Variants in NPHP4 observed in about 807,000 individuals in gnomAD.
NPHP4 encodes the protein nephrocystin 4, also known as nephrocystin-4.
In NPHP4, 151 loss-of-function variants were observed where a neutral mutation model predicts 155.8. The ratio of observed to expected loss-of-function variants is 0.97; its 90% CI spans 0.85 to 1.11. The LOEUF is 1.11. Among genes scored for constraint, NPHP4 ranks in the 50% least tolerant of loss-of-function variants. NPHP4 has a pLI of 0.00. For missense variants in NPHP4, 1,956 were observed against 1,925.7 expected, an observed-to-expected ratio of 1.02 and a Z score of -0.29; for synonymous variants, 845 against 816.8, an observed-to-expected ratio of 1.03 and a Z score of -0.59.
chr1:5,900,186 G>A (rs1013653853), intron 16 of NPHP4, among the ~76,000 whole-genome samples: 3 of 152,178 alleles, frequency 2.0e-5, no homozygotes, highest in Non-Finnish European at 2.9e-5. Flanking sequence ...CTCTTACCAC[G>A]TGATCCAGCA....
intron 17 of NPHP4, chr1:5,888,507 T>C (rs959075175): frequency 7.7e-7 from 1 of 1,303,466 alleles, no homozygotes; most frequent in East Asian, 5.1e-5. Flanking sequence ...CCGCAGACCC[T>C]GGTCGCTTTG....
intron 27 of NPHP4, 151 bp from the exon 28 acceptor site, chr1:5,864,668 A>G (rs1378177756): frequency 3.1e-6 from 2 of 646,466 alleles, no homozygotes; most frequent in East Asian, 5.6e-5. Context: ...CAACCCTGAC[A>G]TGACTGTGGC....
In NPHP4 at chr1:5,874,643, C is replaced by A. The variant is rs754216736; in HGVS notation, c.3059G>T (p.Ser1020Ile). The A allele has an allele frequency of 6.2e-7, 1 of 1,611,804 alleles. No individual in the cohort carries two copies. The highest frequency in any genetic ancestry group is 1.3e-5 in the African/African-American group (1 of 74,868). The change falls in exon 22 of 30, where the codon AGT becomes ATT. Residue 1020 changes from serine (S) to isoleucine (I), a missense_variant. By Grantham distance (142) the Ser-to-Ile change is moderately radical (BLOSUM62 -2). Coordinates refer to ENST00000378156, the MANE Select transcript of NPHP4 (RefSeq NM_015102.5). The part of the protein sequence containing the change: ...DNPELSVIVD[S>I]QEWRDFKGAA... The stretch of plus-strand genomic sequence containing the variant: ...ACCCTTGAAGTCCCTCCACTCCTGA[C>A]TGTCCACGATGACGCTGGGGGAGGC...
chr1:5,898,116 G>C (rs1199354537), intron 16 of NPHP4, among the ~76,000 whole-genome samples: 2 of 152,220 alleles, frequency 1.3e-5, no homozygotes, highest in Non-Finnish European at 2.9e-5. Context: ...GAAATGGACC[G>C]CGTTCTTTGG....
intron 23 of NPHP4, chr1:5,868,146 A>T: frequency 1.6e-6 from 1 of 625,638 alleles, no homozygotes; most frequent in Non-Finnish European, 3.0e-6. Flanking sequence ...CCACACTGCC[A>T]TTATTCCTCG....
intron 23 of NPHP4, among the ~76,000 whole-genome samples, chr1:5,872,058 T>C (rs1033524411): frequency 2.0e-5 from 3 of 152,238 alleles, no homozygotes; most frequent in South Asian, 2.1e-4. Context: ...ATCTGACTAG[T>C]GCACAGCCAC....
intron 4 of NPHP4, among the ~76,000 whole-genome samples, chr1:5,968,333 G>C (rs937189408): frequency 1.6e-4 from 25 of 152,110 alleles, no homozygotes; most frequent in African/African-American, 6.0e-4. Context: ...CGGACACAGC[G>C]GCTCACGTCT....
chr1:5,898,738 G>A (rs750804091), intron 16 of NPHP4, among the ~76,000 whole-genome samples: 10 of 152,214 alleles, frequency 6.6e-5, no homozygotes, highest in Non-Finnish European at 8.8e-5. Flanking sequence ...GAATTGGCTT[G>A]TCTAAATTTG....
intron 2 of NPHP4, among the ~76,000 whole-genome samples, chr1:5,982,641 C>A (rs529856123): frequency 5.9e-5 from 9 of 152,192 alleles, no homozygotes; most frequent in Non-Finnish European, 8.8e-5. Context: ...AGGAAACAGA[C>A]GTCACTGATT....
intron 3 of NPHP4, among the ~76,000 whole-genome samples, chr1:5,969,461 G>A (rs918548745): frequency 6.6e-6 from 1 of 152,164 alleles, no homozygotes; most frequent in African/African-American, 2.4e-5. Context: ...AGACTGAAAT[G>A]TTGGTGTCGG....
intron 18 of NPHP4, among the ~76,000 whole-genome samples, chr1:5,883,108 G>A (rs1239218071): frequency 2.0e-5 from 3 of 152,142 alleles, no homozygotes; most frequent in South Asian, 2.1e-4. Flanking sequence ...CCACTACAAA[G>A]AAGCCACGAT....
Position 5,864,338 on chromosome 1 carries a change from C to T in NPHP4, c.3996G>A (p.Lys1332=), listed in dbSNP as rs1337905071. The T allele has an allele frequency of 6.2e-7, 1 of 1,605,404 alleles. No homozygotes were observed. Among genetic ancestry groups the T allele is most frequent in the Non-Finnish European group, 8.5e-7 (1 of 1,175,146 alleles). Residue 1332 remains lysine (K), a splice_region_variant and synonymous_variant, in exon 28 of 30, where the codon AAG becomes AAA. Coordinates refer to ENST00000378156, the MANE Select transcript of NPHP4 (RefSeq NM_015102.5). The part of the protein sequence containing the change: ...CLCCRQPLIS[K]AFEIMLAAGE... ...GCCTGTGCCTGCCACACATACAGAC[C>T]TTGGAGATGAGCGGCTGGCGGCAGC...
intron 11 of NPHP4, among the ~76,000 whole-genome samples, chr1:5,916,133 G>C (rs1465401908): frequency 6.6e-6 from 1 of 152,076 alleles, no homozygotes; most frequent in East Asian, 1.9e-4. Context: ...TATAGGTCAG[G>C]GAAATTCCAA....
Position 5,959,991 on chromosome 1 carries a change from G to A in NPHP4, c.673+1803C>T, listed in dbSNP as rs558373596. Among the ~76,000 whole-genome samples, 6 of 152,302 alleles carry A rather than the reference G, an allele frequency of 3.9e-5. No homozygotes were observed. In the South Asian group the frequency reaches 6.2e-4, roughly 16 times the overall value. On this transcript the variant is annotated intron_variant, in intron 6 of 29. Coordinates refer to ENST00000378156, the MANE Select transcript of NPHP4 (RefSeq NM_015102.5). ...TATCAAGCAGGCGACATCTCACAGC[G>A]GCGCCTACAGGGCCCTCCCTGGCCA...
intron 2 of NPHP4, among the ~76,000 whole-genome samples, chr1:5,980,022 A>C (rs496739): frequency 0.94 from 143,483 of 152,082 alleles, 67,803 homozygotes; most frequent in African/African-American, 0.99. Flanking sequence ...ACCCTCTGCC[A>C]TGGTCTCTCA....
chr1:5,917,026 AG>A (rs1348370368), intron 11 of NPHP4, among the ~76,000 whole-genome samples: 1 of 152,250 alleles, frequency 6.6e-6, no homozygotes, highest in African/African-American at 2.4e-5. Context: ...TGGCAGGGAA[AG>A]ACCCTGGACT....
chr1:5,950,861 C>T (rs1031579928), intron 7 of NPHP4, among the ~76,000 whole-genome samples: 3 of 152,150 alleles, frequency 2.0e-5, no homozygotes, highest in African/African-American at 7.2e-5. Flanking sequence ...CTGAAAATAG[C>T]CCAAAAGTCC....
At chr1:5,934,468 C>T (rs1043112566) in intron 9 of NPHP4, among the ~76,000 whole-genome samples, 1 of 152,124 alleles carries the variant, frequency 6.6e-6, no homozygotes, top group Non-Finnish European at 1.5e-5. Context: ...AAACAACCCC[C>T]AAGCAGGAGG....
chr1:5,866,434 A>G lies in NPHP4; in HGVS notation c.3583T>C (p.Phe1195Leu), dbSNP rs1184592558. 2 of 1,606,258 alleles carry G rather than the reference A, an allele frequency of 1.2e-6. No homozygotes were observed. Among genetic ancestry groups the G allele is most frequent in the Non-Finnish European group, 1.7e-6 (2 of 1,175,930 alleles). The change falls in exon 26 of 30, where the codon TTT (phenylalanine) becomes CTT (leucine). Residue 1195 changes from phenylalanine (F) to leucine (L), a missense_variant. Transcript: ENST00000378156. ...CTTGGACCACTGGCCACCTTCAGAAATATGTCCCGTGGTTCCCCGGGGCCC... is the reference window on the plus strand; with the variant it reads ...CTTGGACCACTGGCCACCTTCAGAAGTATGTCCCGTGGTTCCCCGGGGCCC... ...NVGPGEPRDI[F>L]LKVASGPSPE...
Sources: gnomAD v4.1 joint callset for allele counts (sites outside exome capture counted in the v4.1 genomes callset) on GRCh38, gnomAD v4.1.1 for gene constraint, MANE v1.5 for transcripts, NCBI Gene and HGNC (gene_info 2026-07-23, HGNC 2026-07-21) for gene names.